The following DPY19L2 variants were observed in gnomAD, a reference collection of about 807,000 sequenced individuals.
The protein encoded by DPY19L2 is dpy-19 like 2, also known as probable C-mannosyltransferase DPY19L2.
A neutral mutation model predicts 97.9 loss-of-function variants in DPY19L2; 34 were observed. The ratio of observed to expected loss-of-function variants is 0.35; its 90% CI spans 0.26 to 0.46. DPY19L2 has a LOEUF of 0.46. Among genes scored for constraint, DPY19L2 ranks in the 20% least tolerant of loss-of-function variants. DPY19L2 has a pLI of 1.00. For missense variants in DPY19L2, 623 were observed against 911.4 expected (o/e 0.68, Z 4.07); for synonymous variants, 230 against 307.9 (o/e 0.75, Z 2.65).
In DPY19L2 at chr12:63,614,921, T is replaced by C. The variant is rs559785240; in HGVS notation, c.1218+2383A>G. Among the ~76,000 whole-genome samples, 4 of 152,154 alleles carry C rather than the reference T, an allele frequency of 2.6e-5. No individual in the cohort carries two copies. The East Asian group carries it at 7.7e-4, about 29-fold the overall frequency. On this transcript the variant is annotated intron_variant, in intron 11 of 21. Transcript: ENST00000324472. ...CCCAGACTGCGGTCTTAAAACACCA[T>C]TTCCCCAGTAAAGGCAACGAGGGTG...
intron 4 of DPY19L2, among the ~76,000 whole-genome samples, chr12:63,650,268 C>G (rs2201891): frequency 0.66 from 99,816 of 151,738 alleles, 33,187 homozygotes; most frequent in East Asian, 0.87. Context: ...ACAACAAAAG[C>G]GTGTTTACTC....
chr12:63,631,144 C>A (rs551786596), intron 6 of DPY19L2, among the ~76,000 whole-genome samples: 1 of 152,158 alleles, frequency 6.6e-6, no homozygotes, highest in East Asian at 1.9e-4. Context: ...ACCCTAACAT[C>A]ACAATTAAAA....
intron 12 of DPY19L2, among the ~76,000 whole-genome samples, chr12:63,603,111 A>G (rs556219543): frequency 3.3e-5 from 5 of 152,300 alleles, no homozygotes; most frequent in Admixed American, 1.3e-4. Flanking sequence ...AAGACATTTA[A>G]AGCAAGGATA....
At chr12:63,662,720 C>T (rs542487450) in intron 3 of DPY19L2, among the ~76,000 whole-genome samples, 7 of 152,294 alleles carry the variant, frequency 4.6e-5, no homozygotes, top group Admixed American at 3.9e-4. Flanking sequence ...AGTCCAGACT[C>T]TGCCACAGTT....
Position 63,624,931 on chromosome 12 carries a change from A to G in DPY19L2, c.862-800T>C, listed in dbSNP as rs1213142747. The stretch of plus-strand genomic sequence containing the variant: ...CATATAAGAAAGTCAACTTATACCA[A>G]CAGTTGTCTGGAACACTCAGAGAAA... On this transcript the variant is annotated intron_variant, in intron 7 of 21. Transcript: ENST00000324472. Among the ~76,000 whole-genome samples, 10 of 152,302 alleles carry G rather than the reference A, an allele frequency of 6.6e-5. No individual in the cohort carries two copies. In the East Asian group the frequency reaches 9.7e-4, roughly 15 times the overall value.
Position 63,618,154 on chromosome 12 carries a change from G to A in DPY19L2, c.1128C>T (p.Asn376=), listed in dbSNP as rs551497170. ...PSKFQKIIYM[N]MISVTLSFIL... The stretch of plus-strand genomic sequence containing the variant: ...TTATATATATTAAAAATGTTACCAT[G>A]TTCATATAAATGATCTTCTGAAATT... Residue 376 remains asparagine (N), a synonymous_variant, in exon 10 of 22, where the codon AAC becomes AAT. Coordinates refer to ENST00000324472, the MANE Select transcript of DPY19L2 (RefSeq NM_173812.5). The A allele has an allele frequency of 5.6e-5, 51 of 903,596 alleles. No homozygotes were observed. The South Asian group carries it at 8.1e-4, about 14-fold the overall frequency. The allele number at this position is 903,596 out of a possible 1,614,324, so 56.0% of individuals were successfully genotyped here. A position where few individuals can be genotyped will look rare whatever the true frequency, so the allele number is the denominator to read the frequency against.
intron 4 of DPY19L2, among the ~76,000 whole-genome samples, chr12:63,650,509 G>A (rs996237453): frequency 2.0e-5 from 3 of 152,088 alleles, no homozygotes; most frequent in African/African-American, 7.2e-5. Context: ...AAAGTCAGTA[G>A]TATGTCTATG....
intron 5 of DPY19L2, 23 bp downstream of exon 5, chr12:63,647,222 C>G (rs1893531888): frequency 1.4e-6 from 2 of 1,450,160 alleles, no homozygotes; most frequent in Non-Finnish European, 1.8e-6. Context: ...TTACAAATGA[C>G]AGCATTTTTG....
intron 6 of DPY19L2, among the ~76,000 whole-genome samples, chr12:63,640,655 T>C (rs1434907197): frequency 6.6e-6 from 1 of 152,198 alleles, no homozygotes; most frequent in East Asian, 1.9e-4. Flanking sequence ...ACAGTCACTA[T>C]TGGTTGACTC....
chr12:63,648,365 T>C (rs1893715305), intron 4 of DPY19L2, among the ~76,000 whole-genome samples: 1 of 150,290 alleles, frequency 6.7e-6, no homozygotes. Context: ...GTAAAAAAAA[T>C]GTGGCTCTAC....
At chr12:63,593,523 A>C (rs1191410638) in intron 16 of DPY19L2, among the ~76,000 whole-genome samples, 2 of 152,172 alleles carry the variant, frequency 1.3e-5, no homozygotes, top group African/African-American at 4.8e-5. Context: ...CATCATTCTC[A>C]GTAAACGATT....
intron 1 of DPY19L2, among the ~76,000 whole-genome samples, chr12:63,667,422 G>T (rs1896457945): frequency 1.3e-5 from 2 of 151,982 alleles, no homozygotes; most frequent in African/African-American, 2.4e-5. Flanking sequence ...AAAATGATAT[G>T]GTGTAACGAT....
At chr12:63,604,953 A>T (rs1030902307) in intron 12 of DPY19L2, among the ~76,000 whole-genome samples, 1 of 152,000 alleles carries the variant, frequency 6.6e-6, no homozygotes, top group Non-Finnish European at 1.5e-5. Flanking sequence ...GAGACTGTGG[A>T]TCCTATTTTA....
chr12:63,560,521 C>A lies in DPY19L2; in HGVS notation c.2268G>T (p.Lys756Asn), dbSNP rs759187189. Reference protein sequence around the residue: ...VFQNSVYRVLKVN With the variant: ...VFQNSVYRVLNVN Reference sequence around the variant, plus strand: ...ATGGGTAGTATCCTTCTCAGTTAACCTTTAATACTCTGTACACACTATTCT... The same window carrying A: ...ATGGGTAGTATCCTTCTCAGTTAACATTTAATACTCTGTACACACTATTCT... The change falls in exon 22 of 22, where the codon AAG (lysine) becomes AAT (asparagine). Residue 756 changes from lysine (K) to asparagine (N), a missense_variant. Around this residue, in one of 6 missense-constraint regions of DPY19L2, gnomAD observed 294 missense variants for 446.2 expected, o/e 0.66. Coordinates refer to ENST00000324472, the MANE Select transcript of DPY19L2 (RefSeq NM_173812.5). The A allele has an allele frequency of 6.2e-7, 1 of 1,613,486 alleles. No individual in the cohort carries two copies. The highest frequency in any genetic ancestry group is 8.5e-7 in the Non-Finnish European group (1 of 1,179,668).
At chr12:63,574,320 T>G (rs1879425482) in intron 19 of DPY19L2, among the ~76,000 whole-genome samples, 1 of 151,270 alleles carries the variant, frequency 6.6e-6, no homozygotes, top group South Asian at 2.1e-4. Flanking sequence ...AAACATAAAA[T>G]GGATGTACAA....
At chr12:63,589,584 G>A (rs544848108) in intron 16 of DPY19L2, among the ~76,000 whole-genome samples, 10 of 151,696 alleles carry the variant, frequency 6.6e-5, no homozygotes, top group African/African-American at 1.2e-4. Flanking sequence ...CAAAATTAAC[G>A]CAAGAGTAAT....
At chr12:63,606,521 C>A (rs1038226207) in intron 12 of DPY19L2, among the ~76,000 whole-genome samples, 2 of 152,004 alleles carry the variant, frequency 1.3e-5, no homozygotes, top group Non-Finnish European at 2.9e-5. Context: ...TCTCTTAGTG[C>A]GATAATTTAC....
rs780024525 is a variant in DPY19L2, at chr12:63,595,979, A to T, written c.1520T>A (p.Phe507Tyr). ...LLPVVMVITC[F>Y]IFKKTVRDIS... is the part of the protein sequence containing the mutation. ...GTTTAAAAATACCTTTTTAAAGATAAAACATGTAATCACCATAACAACTGG... is the reference window on the plus strand; with the variant it reads ...GTTTAAAAATACCTTTTTAAAGATATAACATGTAATCACCATAACAACTGG... Residue 507 changes from phenylalanine to tyrosine, a missense_variant, in exon 15 of 22, where the codon TTT (phenylalanine) becomes TAT (tyrosine). This residue lies in a region of DPY19L2 where 294 missense variants were observed against 446.2 expected (regional missense o/e 0.66). Transcript: ENST00000324472. 1 of 1,591,816 alleles carries T rather than the reference A, an allele frequency of 6.3e-7. No individual in the cohort carries two copies. The highest frequency in any genetic ancestry group is 1.1e-5 in the South Asian group (1 of 87,420).
At chr12:63,619,058 C>T (rs1157207022) in intron 9 of DPY19L2, among the ~76,000 whole-genome samples, 1 of 152,004 alleles carries the variant, frequency 6.6e-6, no homozygotes, top group Admixed American at 6.6e-5. Flanking sequence ...ACTTCTCTGG[C>T]ATAATCAGAT....
Sources: gnomAD v4.1 joint callset for allele counts (sites outside exome capture counted in the v4.1 genomes callset) on GRCh38, gnomAD v4.1.1 for gene constraint, gnomAD v4.1.1 regional missense constraint, MANE v1.5 for transcripts, NCBI Gene and HGNC (gene_info 2026-07-23, HGNC 2026-07-21) for gene names.